PCDHA3: variants seen among roughly 807,000 people sequenced by gnomAD.
The protein encoded by PCDHA3 is protocadherin alpha-3.
PCDHA3 carries 41 observed loss-of-function variants against 62.2 expected under a neutral mutation model. The observed-to-expected ratio is 0.66, with a 90% CI of 0.51 to 0.86. The LOEUF (loss-of-function observed/expected upper bound fraction) is 0.86, where lower values mean the gene tolerates loss of function less well. PCDHA3 is among the 40% of genes least tolerant of loss of function. The pLI, the probability that PCDHA3 is intolerant of heterozygous loss-of-function variation, is 0.00. For synonymous variants in PCDHA3, 640 were observed against 555.4 expected (o/e 1.15, Z -2.14); for missense variants, 1,304 against 1,241.2 (o/e 1.05, Z -0.76).
intron 1 of PCDHA3, chr5:140,876,047 C>T (rs1305657261): frequency 5.0e-6 from 8 of 1,613,744 alleles, no homozygotes; most frequent in Non-Finnish European, 6.8e-6. Context: ...AGTATATTGC[C>T]TGAATTAGTT....
intron 1 of PCDHA3, chr5:140,823,820 C>T (rs2150129375): frequency 1.2e-6 from 2 of 1,613,790 alleles, no homozygotes; most frequent in South Asian, 1.1e-5. Flanking sequence ...TCGCGGGCGT[C>T]GGCGGGCGCT....
intron 1 of PCDHA3, chr5:140,858,495 G>A (rs2045450784): frequency 6.7e-7 from 1 of 1,481,628 alleles, no homozygotes; most frequent in East Asian, 2.5e-5. Flanking sequence ...TTCTCTTACC[G>A]CATTTTCTCA....
intron 1 of PCDHA3, chr5:140,869,076 C>T (rs367613564): frequency 1.9e-6 from 3 of 1,577,816 alleles, no homozygotes; most frequent in African/African-American, 2.7e-5. Context: ...TGTAAAGAAG[C>T]TTATTTTGGA....
chr5:140,877,018 A>G, intron 1 of PCDHA3: 1 of 1,612,420 alleles, frequency 6.2e-7, no homozygotes, highest in Non-Finnish European at 8.5e-7. Flanking sequence ...GGAGAGCGGC[A>G]AGGTGTACGC....
intron 1 of PCDHA3, chr5:140,929,266 C>T (rs1333907609): frequency 6.2e-7 from 1 of 1,611,352 alleles, no homozygotes; most frequent in Middle Eastern, 1.7e-4. Flanking sequence ...ACTGAATTTG[C>T]CAATATCCTG....
intron 1 of PCDHA3, chr5:140,809,031 C>A (rs1554124952): frequency 5.0e-6 from 8 of 1,613,858 alleles, no homozygotes; most frequent in Non-Finnish European, 6.8e-6. Context: ...CAGCCGGGGA[C>A]TGGTGGCGCG....
chr5:141,004,124 C>T (rs1225012224), intron 3 of PCDHA3, among the ~76,000 whole-genome samples: 1 of 152,202 alleles, frequency 6.6e-6, no homozygotes, highest in Non-Finnish European at 1.5e-5. Context: ...GGAGTATCTC[C>T]ATGATTCTGC....
intron 1 of PCDHA3, among the ~76,000 whole-genome samples, chr5:140,889,158 T>A (rs2062123549): frequency 6.6e-6 from 1 of 151,892 alleles, no homozygotes; most frequent in Non-Finnish European, 1.5e-5. Context: ...TCTTCTTTGT[T>A]AAGTATTCAA....
Position 140,807,362 on chromosome 5 carries a change from C to G in PCDHA3, c.2394+3771C>G, listed in dbSNP as rs145024223. On this transcript the variant is annotated intron_variant, in intron 1 of 3. Coordinates refer to ENST00000522353, the MANE Select transcript of PCDHA3 (RefSeq NM_018906.3). ...GGACCTGGGACTGGAGCTGGCGGAG[C>G]TGGTGCCGCGCCTGTTCCGGGTGGC... 544 of 1,609,962 alleles carry G rather than the reference C, an allele frequency of 3.4e-4. 1 individual carries two copies. Among genetic ancestry groups the G allele is most frequent in the Non-Finnish European group, 3.8e-4 (444 of 1,179,038 alleles).
At chr5:140,888,265 A>G (rs2061758269) in intron 1 of PCDHA3, among the ~76,000 whole-genome samples, 1 of 152,096 alleles carries the variant, frequency 6.6e-6, no homozygotes, top group Non-Finnish European at 1.5e-5. Flanking sequence ...TCTTGATAAG[A>G]AACAGTTTTG....
intron 1 of PCDHA3, chr5:140,829,755 T>C (rs2150173994): frequency 6.2e-7 from 1 of 1,613,728 alleles, no homozygotes; most frequent in East Asian, 2.2e-5. Flanking sequence ...CAGGTGTTCG[T>C]GCTGGACGAG....
chr5:140,856,362 T>A, intron 1 of PCDHA3: 3 of 1,598,570 alleles, frequency 1.9e-6, no homozygotes, highest in Non-Finnish European at 2.6e-6. Flanking sequence ...AGCATCCACC[T>A]GGAGGTGATC....
intron 1 of PCDHA3, chr5:140,882,537 TCGACCGCGAGGAGCTGTGTGGGC>T (rs1554174449): frequency 1.2e-6 from 2 of 1,614,058 alleles, no homozygotes; most frequent in African/African-American, 2.7e-5. Flanking sequence ...AATTCTCGGA[TCGACCGCGAGGAGCTGTGTGGGC>T]GGAGCGCGGA....
At chr5:140,886,368 C>T (rs1174734883) in intron 1 of PCDHA3, among the ~76,000 whole-genome samples, 2 of 152,040 alleles carry the variant, frequency 1.3e-5, no homozygotes, top group South Asian at 4.1e-4. Context: ...GGTGTACATG[C>T]CATGGTGTGC....
chr5:140,887,326 G>A (rs1344500973), intron 1 of PCDHA3, among the ~76,000 whole-genome samples: 7 of 152,230 alleles, frequency 4.6e-5, no homozygotes, highest in South Asian at 2.1e-4. Context: ...TCGAACTCCT[G>A]ACCTCGTGAT....
In PCDHA3 at chr5:141,011,437, GA is replaced by G. The variant is rs1196462702; in HGVS notation, c.*1501del. The G allele has an allele frequency of 2.6e-5, 4 of 153,726 alleles. No homozygotes were observed. Among genetic ancestry groups the G allele is most frequent in the African/African-American group, 9.7e-5 (4 of 41,440 alleles). 9.5% of individuals were successfully genotyped at this position (153,726 alleles called of 1,614,324 possible). ...TGAATGTTAATGCAACTATTACCTA[GA>G]GTGAACTTTAAGCTTTATTGTTGAA... is the stretch of plus-strand genomic sequence containing the variant. On this transcript the variant is annotated 3_prime_UTR_variant, in exon 4 of 4. Transcript: ENST00000522353.
intron 1 of PCDHA3, chr5:140,823,482 G>C: frequency 6.2e-7 from 1 of 1,613,424 alleles, no homozygotes; most frequent in Non-Finnish European, 8.5e-7. Context: ...TGCCTCGAGT[G>C]GGTGGCACCG....
intron 1 of PCDHA3, chr5:140,884,380 C>T (rs1281344307): frequency 6.2e-7 from 1 of 1,613,980 alleles, no homozygotes; most frequent in Non-Finnish European, 8.5e-7. Context: ...TCATTGCCAT[C>T]TGCGCGGTGT....
chr5:140,850,493 G>T, intron 1 of PCDHA3: 4 of 1,598,102 alleles, frequency 2.5e-6, no homozygotes, highest in African/African-American at 1.3e-5. Flanking sequence ...CCACTGTGCT[G>T]GTGTCGCTGG....
Sources: allele counts gnomAD v4.1 joint callset (sites outside exome capture counted in the v4.1 genomes callset), GRCh38; gene constraint gnomAD v4.1.1; transcripts MANE v1.5; gene names NCBI Gene and HGNC (gene_info 2026-07-23, HGNC 2026-07-21).